MAFG: variants seen among roughly 807,000 people sequenced by gnomAD.
The protein encoded by MAFG is MAF bZIP transcription factor G, also known as transcription factor MafG.
A neutral mutation model predicts 12.2 loss-of-function variants in MAFG; 3 were observed. The observed-to-expected ratio is 0.25, with a 90% confidence interval of 0.11 to 0.64. The LOEUF (loss-of-function observed/expected upper bound fraction) is 0.64. Ranked by LOEUF, MAFG falls within the 30% of genes least tolerant of loss-of-function variation. The probability of loss-of-function intolerance (pLI) is 0.85; values close to 1 mark genes in which losing one functional copy is unlikely to be tolerated. For synonymous variants in MAFG, 126 were observed against 109.1 expected (o/e 1.15, Z -0.96); for missense variants, 153 against 235.5 (o/e 0.65, Z 2.29).
At position 81,922,712 on chromosome 17, in the gene MAFG, G is replaced by T. The variant is rs1490785698; in HGVS notation, c.382C>A (p.Pro128Thr). The T allele has an allele frequency of 3.9e-6, 6 of 1,536,324 alleles. No individual in the cohort carries two copies. ...ARTVARSPVA[P>T]ARGPLAAGLG... ...CCGGCGGCAAGGGGGCCCCGGGCTG[G>T]CGCCACGGGGCTGCGGGCCACCGTC... Residue 128 changes from proline (P) to threonine (T), a missense_variant, in exon 3 of 3, where the codon CCA becomes ACA. Around this residue, in one of 3 missense-constraint regions of MAFG, gnomAD observed 81 missense variants for 94.7 expected, o/e 0.86. Transcript: ENST00000357736.
intron 1 of MAFG, among the ~76,000 whole-genome samples, chr17:81,927,208 C>A (rs2040948596): frequency 6.6e-6 from 1 of 151,796 alleles, no homozygotes; most frequent in Admixed American, 6.6e-5. Flanking sequence ...CTCCCGCCGT[C>A]CAGTGCCCCT....
intron 1 of MAFG, among the ~76,000 whole-genome samples, chr17:81,925,322 G>C (rs1413830384): frequency 6.6e-6 from 1 of 152,234 alleles, no homozygotes; most frequent in African/African-American, 2.4e-5. Context: ...AGGGAGATTT[G>C]GGAGCTCCGT....
chr17:81,925,645 A>G (rs532076790), intron 1 of MAFG, among the ~76,000 whole-genome samples: 1 of 151,920 alleles, frequency 6.6e-6, no homozygotes, highest in Non-Finnish European at 1.5e-5. Flanking sequence ...CGTCTCTACT[A>G]AAAATACAAA....
Position 81,927,591 on chromosome 17 carries a change from G to A in MAFG, c.-93C>T, listed in dbSNP as rs1291499416. 1 of 145,992 alleles carries A rather than the reference G, an allele frequency of 6.8e-6. No individual in the cohort carries two copies. Among genetic ancestry groups the A allele is most frequent in the East Asian group, 2.0e-4 (1 of 5,032 alleles). The allele number at this position is 145,992 out of a possible 1,614,324, so 9.0% of individuals were successfully genotyped here. ...GGGGCCGCGCGCGCTCCGAGGCCGC[G>A]CGGGGCAGGGACCGGCGCGAGGGGT... On this transcript the variant is annotated 5_prime_UTR_variant, in exon 1 of 3. Transcript: ENST00000357736.
In MAFG at chr17:81,926,920, C is replaced by G. The variant is rs1056582058; in HGVS notation, c.-30+608G>C. On this transcript the variant is annotated intron_variant, in intron 1 of 2. Coordinates refer to ENST00000357736, the MANE Select transcript of MAFG (RefSeq NM_002359.4). The surrounding 1 kb of genome is among the most constrained non-coding windows in gnomAD (Gnocchi z 4.6). ...CTTTTAGTCCCCGAGGCCCCTCGCT[C>G]GAATCCCCTCCGGTATCAGCTTGAG... is the stretch of plus-strand genomic sequence containing the variant. Among the ~76,000 whole-genome samples the G allele has an allele frequency of 3.9e-5, 6 of 152,126 alleles. No individual in the cohort carries two copies. The highest frequency in any genetic ancestry group is 1.4e-4 in the African/African-American group (6 of 41,438).
In MAFG at chr17:81,922,777, G is replaced by A. The variant is rs368927863; in HGVS notation, c.317C>T (p.Ala106Val). ...ENASMKLELD[A>V]LRSKYEALQT... ...CAGCGCCTCGTACTTGGAGCGCAGC[G>A]CGTCGAGCTCCAGCTTCATGCTGGC... Residue 106 changes from alanine to valine, a missense_variant, in exon 3 of 3, where the codon GCG becomes GTG. By Grantham distance (64) the Ala-to-Val change is moderately conservative (BLOSUM62 0). Transcript: ENST00000357736. The A allele has an allele frequency of 7.5e-6, 12 of 1,598,818 alleles. No homozygotes were observed. The highest frequency in any genetic ancestry group is 1.7e-5 in the Admixed American group (1 of 58,204).
chr17:81,923,203 A>G lies in MAFG; in HGVS notation c.-18T>C. On this transcript the variant is annotated 5_prime_UTR_variant, in exon 2 of 3. Transcript: ENST00000357736. ...GTCGTCATAACCCGGGGGCACAGCG[A>G]GCAGGCGCTCTCTGCAAGACACGGA... 6.3e-7 allele frequency: 1 copy of G among 1,576,700 alleles called. No individual in the cohort carries two copies.
At chr17:81,925,730 C>A (rs964946997) in intron 1 of MAFG, among the ~76,000 whole-genome samples, 1 of 150,968 alleles carries the variant, frequency 6.6e-6, no homozygotes, top group African/African-American at 2.4e-5. Context: ...ACGGCGTGAA[C>A]CTGGGAGGCA....
upstream of MAFG, among the ~76,000 whole-genome samples, chr17:81,928,803 A>G (rs1281537620): frequency 6.6e-6 from 1 of 152,210 alleles, no homozygotes; most frequent in Non-Finnish European, 1.5e-5. This position sits in a 1 kb window ranked among gnomAD's most constrained non-coding sequence, Gnocchi z 8.1. Context: ...CCAGGAGTGC[A>G]GCTCCGTCTC....
At chr17:81,923,974 G>C (rs1251862685) in intron 1 of MAFG, 1 of 152,376 alleles carries the variant, frequency 6.6e-6, no homozygotes, top group African/African-American at 2.4e-5. Flanking sequence ...CCACCTTCCA[G>C]GTGGCAGGCC....
intron 1 of MAFG, among the ~76,000 whole-genome samples, chr17:81,927,206 G>A (rs1395395769): frequency 6.6e-6 from 1 of 151,536 alleles, no homozygotes; most frequent in Non-Finnish European, 1.5e-5. Context: ...TCCTCCCGCC[G>A]TCCAGTGCCC....
In MAFG at chr17:81,921,292, C is replaced by T. The variant is rs549200377; in HGVS notation, c.*1313G>A. The T allele has an allele frequency of 1.3e-5, 2 of 152,488 alleles. No homozygotes were observed. Among genetic ancestry groups the T allele is most frequent in the African/African-American group, 4.8e-5 (2 of 41,592 alleles). The allele number at this position is 152,488 out of a possible 1,614,324, so 9.4% of individuals were successfully genotyped here. Reference sequence around the variant, plus strand: ...ACGCAGCAGGCGCCACTTGGCACCCCAGCCCAGGTCCAGCAAGCCAGCAGA... The same window carrying T: ...ACGCAGCAGGCGCCACTTGGCACCCTAGCCCAGGTCCAGCAAGCCAGCAGA... On this transcript the variant is annotated 3_prime_UTR_variant, in exon 3 of 3. Coordinates refer to ENST00000357736, the MANE Select transcript of MAFG (RefSeq NM_002359.4).
upstream of MAFG, chr17:81,928,224 C>T (rs1349418031): frequency 2.0e-5 from 3 of 151,978 alleles, no homozygotes; most frequent in Non-Finnish European, 4.4e-5. The surrounding 1 kb of genome is among the most constrained non-coding windows in gnomAD (Gnocchi z 8.1). Flanking sequence ...GCGATCCCCG[C>T]CCGCGCAGCA....
In MAFG at chr17:81,921,786, TAA is replaced by T. The variant is rs1328587839; in HGVS notation, c.*817_*818del. Reference sequence around the variant, plus strand: ...ATGGTCTTCTTGCTTGTTTTTTTTCTAAAAGACAGTTTTATAAATACTCTGCA... The same window carrying T: ...ATGGTCTTCTTGCTTGTTTTTTTTCTAAGACAGTTTTATAAATACTCTGCA... On this transcript the variant is annotated 3_prime_UTR_variant, in exon 3 of 3. Transcript: ENST00000357736. 1.3e-5 allele frequency: 2 copies of T among 152,130 alleles called. No individual in the cohort carries two copies. The highest frequency in any genetic ancestry group is 1.3e-4 in the Admixed American group (2 of 15,274). 9.4% of individuals were successfully genotyped at this position (152,130 alleles called of 1,614,324 possible).
chr17:81,928,935 G>A (rs184613949), upstream of MAFG, among the ~76,000 whole-genome samples: 3 of 152,284 alleles, frequency 2.0e-5, no homozygotes, highest in East Asian at 3.9e-4. This position sits in a 1 kb window ranked among gnomAD's most constrained non-coding sequence, Gnocchi z 8.1. Context: ...ATTGCTGGGC[G>A]GTGAGGGCTA....
Position 81,922,880 on chromosome 17 carries a change from G to A in MAFG, c.214C>T (p.Arg72Trp). The A allele has an allele frequency of 6.2e-7, 1 of 1,611,070 alleles. No homozygotes were observed. Among genetic ancestry groups the A allele is most frequent in the Non-Finnish European group, 8.5e-7 (1 of 1,179,190 alleles). Reference protein sequence around the residue: ...RGYAASCRVKRVTQKEELEKQ... With the variant: ...RGYAASCRVKWVTQKEELEKQ... ...TCCAGCTCCTCCTTCTGCGTCACCC[G>A]CTTCACGCGGCAGCTGGCAGCGTAG... The change falls in exon 3 of 3, where the codon CGG becomes TGG. Residue 72 changes from arginine (R) to tryptophan (W), a missense_variant. Arg to Trp is a moderately radical substitution (Grantham distance 101, BLOSUM62 -3). Around this residue, in one of 3 missense-constraint regions of MAFG, gnomAD observed 29 missense variants for 75.3 expected, o/e 0.39. Coordinates refer to ENST00000357736, the MANE Select transcript of MAFG (RefSeq NM_002359.4).
intron 1 of MAFG, 56 bp from the exon 2 acceptor site, chr17:81,923,270 C>CT (rs961182666): frequency 5.2e-6 from 5 of 958,014 alleles, no homozygotes; most frequent in Admixed American, 4.5e-5. Flanking sequence ...GCACCCCCCC[C>CT]CCCCCGCCCC....
Position 81,922,638 on chromosome 17 carries a change from T to C in MAFG, c.456A>G (p.Thr152=). ...PGKVAATSVI[T]IVKSKTDARS The stretch of plus-strand genomic sequence containing the variant: ...GGGCATCCGTCTTGGACTTTACTAT[T>C]GTGATGACGCTGGTGGCGGCCACCT... Residue 152 remains threonine (T), a synonymous_variant, in exon 3 of 3, where the codon ACA becomes ACG. Coordinates refer to ENST00000357736, the MANE Select transcript of MAFG (RefSeq NM_002359.4). 6.7e-7 allele frequency: 1 copy of C among 1,501,910 alleles called. No individual in the cohort carries two copies. The highest frequency in any genetic ancestry group is 8.9e-7 in the Non-Finnish European group (1 of 1,129,750). The allele number at this position is 1,501,910 out of a possible 1,614,324, so 93.0% of individuals were successfully genotyped here.
chr17:81,928,894 C>T (rs1267927190), upstream of MAFG, among the ~76,000 whole-genome samples: 1 of 152,206 alleles, frequency 6.6e-6, no homozygotes, highest in Non-Finnish European at 1.5e-5. This position sits in a 1 kb window ranked among gnomAD's most constrained non-coding sequence, Gnocchi z 8.1. Context: ...AGCCGCTGGG[C>T]ATCCTGCTCC....
Sources: gnomAD v4.1 joint callset for allele counts (sites outside exome capture counted in the v4.1 genomes callset) on GRCh38, gnomAD v4.1.1 for gene constraint, gnomAD v4.1.1 regional missense constraint, Gnocchi (gnomAD v3.1) non-coding constraint, MANE v1.5 for transcripts, NCBI Gene and HGNC (gene_info 2026-07-23, HGNC 2026-07-21) for gene names.